INTS6: variants seen among roughly 807,000 people sequenced by gnomAD.
INTS6 encodes the protein DEAD box protein.
INTS6 carries 16 observed loss-of-function variants against 104.9 expected under a neutral mutation model. The ratio of observed to expected loss-of-function variants is 0.15; its 90% confidence interval spans 0.10 to 0.23. The LOEUF is 0.23. Among genes scored for constraint, INTS6 ranks in the 10% least tolerant of loss-of-function variants. INTS6 has a pLI of 1.00. For synonymous variants in INTS6, 324 were observed against 358.7 expected (o/e 0.90, Z 1.09); for missense variants, 584 against 1,062.8 (o/e 0.55, Z 6.26).
Position 51,390,605 on chromosome 13 carries a change from C to T in INTS6, c.614-1161G>A, listed in dbSNP as rs78125069. On this transcript the variant is annotated intron_variant, in intron 5 of 17. Coordinates refer to ENST00000311234, the MANE Select transcript of INTS6 (RefSeq NM_012141.3). ...CTTTTACACATTCAACCAATTATTT[C>T]ACAACACAAGCTACATCATTACATT... Among the ~76,000 whole-genome samples, 1,295 of 152,104 alleles carry T rather than the reference C, an allele frequency of 8.5e-3. 9 individuals are homozygous for T. The highest frequency in any genetic ancestry group is 0.027 in the African/African-American group (1,110 of 41,530).
rs187104763 is a variant in INTS6 at position 51,450,698 on chromosome 13, C to T, written c.339+327G>A. On this transcript the variant is annotated intron_variant, in intron 3 of 17. Coordinates refer to ENST00000311234, the MANE Select transcript of INTS6 (RefSeq NM_012141.3). ...TGTCTCTAAGCCACTATAATAGTTGCACATACAACATGAGTGTGGTGTGGT... is the reference window on the plus strand; with the variant it reads ...TGTCTCTAAGCCACTATAATAGTTGTACATACAACATGAGTGTGGTGTGGT... The T allele has an allele frequency of 6.2e-5, 62 of 1,007,080 alleles. No individual in the cohort carries two copies. The African/African-American group carries it at 1.1e-3, about 17-fold the overall frequency. The allele number at this position is 1,007,080 out of a possible 1,614,324, so 62.4% of individuals were successfully genotyped here.
At chr13:51,437,032 T>A (rs187703114) in intron 3 of INTS6, 15 of 152,296 alleles carry the variant, frequency 9.8e-5, no homozygotes, top group African/African-American at 3.6e-4. Flanking sequence ...GTGGGAGGAC[T>A]GCCTGAGGCT....
At chr13:51,374,112 C>T (rs1435958731) in intron 15 of INTS6, 96 bp downstream of exon 15, 11 of 930,606 alleles carry the variant, frequency 1.2e-5, no homozygotes, top group Middle Eastern at 2.2e-4. Flanking sequence ...CATTGTACTA[C>T]TAATCAATTT....
At chr13:51,344,210 C>T in the INTS6 span, 93 of 1,469,084 alleles carry the variant, frequency 6.3e-5, no homozygotes, top group African/African-American at 9.8e-4. Context: ...ACTCCTTACT[C>T]ACACTCACCA....
chr13:51,352,347 T>C (rs567686410), downstream of INTS6, among the ~76,000 whole-genome samples: 13 of 152,254 alleles, frequency 8.5e-5, no homozygotes, highest in African/African-American at 2.9e-4. Flanking sequence ...TTATTCTAAG[T>C]ATTTTACTCC....
At chr13:51,344,789 A>G in the INTS6 span, among the ~76,000 whole-genome samples, 1 of 152,186 alleles carries the variant, frequency 6.6e-6, no homozygotes, top group Non-Finnish European at 1.5e-5. Context: ...AGGACCCCAC[A>G]GGCTTTCTCC....
At chr13:51,421,034 G>T in intron 4 of INTS6, 1 of 639,818 alleles carries the variant, frequency 1.6e-6, no homozygotes, top group Non-Finnish European at 1.9e-6. Flanking sequence ...TCAGTTTAGG[G>T]TTGTCATTCT....
At chr13:51,386,867 T>G (rs1230059171) in intron 7 of INTS6, among the ~76,000 whole-genome samples, 1 of 152,154 alleles carries the variant, frequency 6.6e-6, no homozygotes, top group Non-Finnish European at 1.5e-5. Context: ...TACTGATAAT[T>G]CACCATGATC....
Position 51,428,326 on chromosome 13 carries a change from C to CT in INTS6, c.429+1967dup, listed in dbSNP as rs887192550. On this transcript the variant is annotated intron_variant, in intron 4 of 17. Coordinates refer to ENST00000311234, the MANE Select transcript of INTS6 (RefSeq NM_012141.3). ...TCAAATTTAAAATGACTTTTTTTTT[C>CT]TTTTTTTTTTTTTTTTGAGACGGAG... Among the ~76,000 whole-genome samples, 392 of 134,934 alleles carry CT rather than the reference C, an allele frequency of 2.9e-3. 1 individual carries two copies. Among genetic ancestry groups the CT allele is most frequent in the South Asian group, 4.6e-3 (19 of 4,166 alleles). The allele number at this position is 134,934 out of a possible 152,430, so 88.5% of individuals were successfully genotyped here.
intron 4 of INTS6, among the ~76,000 whole-genome samples, chr13:51,425,866 GAAGT>G (rs1185505013): frequency 3.3e-5 from 5 of 151,896 alleles, no homozygotes; most frequent in East Asian, 3.8e-4. Flanking sequence ...AACTACTAAG[GAAGT>G]AAGTAATATA....
the INTS6 span, among the ~76,000 whole-genome samples, chr13:51,334,405 T>C: frequency 9.9e-5 from 15 of 152,112 alleles, no homozygotes. Context: ...AGATCTTAAA[T>C]TTTTAAAACT....
intron 3 of INTS6, chr13:51,442,753 C>T (rs1011926949): frequency 3.3e-5 from 5 of 152,184 alleles, no homozygotes; most frequent in Non-Finnish European, 5.9e-5. Flanking sequence ...GAGACTCTAA[C>T]GCCTGATGAC....
the INTS6 span, among the ~76,000 whole-genome samples, chr13:51,338,444 TA>T: frequency 2.7e-5 from 3 of 109,814 alleles, no homozygotes; most frequent in East Asian, 7.4e-4. Flanking sequence ...GATGGATGGA[TA>T]GGTGGATGGA....
the INTS6 span, among the ~76,000 whole-genome samples, chr13:51,338,528 T>A: frequency 1.1e-4 from 17 of 152,240 alleles, no homozygotes; most frequent in South Asian, 4.2e-4. Context: ...AATGGACAGA[T>A]GGATTGATGG....
chr13:51,397,346 T>A (rs9535656), intron 4 of INTS6, among the ~76,000 whole-genome samples: 15,144 of 152,254 alleles, frequency 0.099, 1,072 homozygotes, highest in Admixed American at 0.21. Context: ...GCCATGAGAA[T>A]ATGCTGCAAG....
chr13:51,425,752 A>G (rs1029312868), intron 4 of INTS6, among the ~76,000 whole-genome samples: 2 of 151,932 alleles, frequency 1.3e-5, no homozygotes, highest in East Asian at 3.9e-4. Context: ...CTTTTCAATA[A>G]CTCTAATTTG....
At position 51,451,735 on chromosome 13, in the gene INTS6, C is replaced by CCGT. The variant is rs1953054846; in HGVS notation, c.189+242_189+243insACG. ...GTTGATAGCAGCGCCGCCGCCGCCG[C>CCGT]CGCCGCCGCCGCTGCCGGGCCGGGC... On this transcript the variant is annotated intron_variant, in intron 2 of 17. Transcript: ENST00000311234. Among the ~76,000 whole-genome samples, 8 of 150,702 alleles carry CCGT rather than the reference C, an allele frequency of 5.3e-5. No homozygotes were observed. In the South Asian group the frequency reaches 1.7e-3, roughly 31 times the overall value.
In INTS6 at chr13:51,383,414, A is replaced by G. The variant is rs1360285171; in HGVS notation, c.1095T>C (p.Phe365=). ...SAKYSELGHP[F]GYLKASTALN... ...GTGCTGTACTGGCTTTCAAGTAACCAAAAGGATGACCAAGTTCACTGTATT... is the reference window on the plus strand; with the variant it reads ...GTGCTGTACTGGCTTTCAAGTAACCGAAAGGATGACCAAGTTCACTGTATT... The change falls in exon 9 of 18, where the codon TTT becomes TTC. Residue 365 remains phenylalanine (F), a synonymous_variant. Coordinates refer to ENST00000311234, the MANE Select transcript of INTS6 (RefSeq NM_012141.3). The G allele has an allele frequency of 3.1e-6, 5 of 1,613,878 alleles. No homozygotes were observed. In the South Asian group the frequency reaches 3.3e-5, roughly 11 times the overall value.
chr13:51,451,862 G>C, intron 2 of INTS6, 116 bp downstream of exon 2: 1 of 643,034 alleles, frequency 1.6e-6, no homozygotes, highest in Non-Finnish European at 2.7e-6. Flanking sequence ...CAGCGGCTGG[G>C]AGCGCAGCGG....
Sources: allele counts gnomAD v4.1 joint callset (sites outside exome capture counted in the v4.1 genomes callset), GRCh38; gene constraint gnomAD v4.1.1; transcripts MANE v1.5; gene names NCBI Gene and HGNC (gene_info 2026-07-23, HGNC 2026-07-21).